Variants in EMG1 observed in about 807,000 individuals in gnomAD.
EMG1 encodes the protein EMG1 N1-specific pseudouridine methyltransferase.
Under a neutral mutation model 26.9 loss-of-function variants are expected in EMG1, and 24 were observed. That is an observed-to-expected ratio of 0.89 (90% CI 0.65 to 1.26). The LOEUF (loss-of-function observed/expected upper bound fraction) is 1.26. EMG1 is among the 50% of genes most tolerant of loss of function. EMG1 has a pLI of 0.00. For synonymous variants in EMG1, 140 were observed against 112.6 expected (o/e 1.24, Z -1.54); for missense variants, 299 against 307.6 (o/e 0.97, Z 0.21).
At chr12:6,981,701 G>T, downstream of EMG1, 1 of 1,289,588 alleles carries the variant, frequency 7.8e-7, no homozygotes, top group Non-Finnish European at 1.1e-6. Context: ...TGTAGACTGA[G>T]TGCAGCCAGA....
At chr12:6,993,233 A>C (rs2138345173), downstream of EMG1, among the ~76,000 whole-genome samples, 1 of 152,116 alleles carries the variant, frequency 6.6e-6, no homozygotes, top group Non-Finnish European at 1.5e-5. Context: ...AGGTCAGGAG[A>C]TCAAGACCAT....
chr12:6,985,171 C>CATGAG (rs1329778429), intron 6 of EMG1, among the ~76,000 whole-genome samples: 1 of 148,370 alleles, frequency 6.7e-6, no homozygotes, highest in Non-Finnish European at 1.5e-5. Context: ...ACGGGCGGAT[C>CATGAG]ATGAGGACAG....
chr12:6,975,149 G>A lies in EMG1; in HGVS notation c.471+1G>A, dbSNP rs1555152925. ...TGATGGCCCCCAGAAGCTTTTGAAGGTGAGGTATTGAAACCTGTTAGTTGA... is the reference window on the plus strand; with the variant it reads ...TGATGGCCCCCAGAAGCTTTTGAAGATGAGGTATTGAAACCTGTTAGTTGA... On this transcript the variant is annotated splice_donor_variant, in intron 4 of 5. Coordinates refer to ENST00000599672, the MANE Select transcript of EMG1 (RefSeq NM_006331.8). LOFTEE classifies it high-confidence loss of function. 1 of 1,613,932 alleles carries A rather than the reference G, an allele frequency of 6.2e-7. No homozygotes were observed. The highest frequency in any genetic ancestry group is 1.3e-5 in the African/African-American group (1 of 74,938).
At chr12:6,973,403 A>C (rs1946356063) in intron 1 of EMG1, among the ~76,000 whole-genome samples, 1 of 151,272 alleles carries the variant, frequency 6.6e-6, no homozygotes, top group Non-Finnish European at 1.5e-5. Flanking sequence ...CCTGACCTTA[A>C]GTGATTTGCC....
At chr12:6,983,676 CAG>C, downstream of EMG1, 3 of 616,076 alleles carry the variant, frequency 4.9e-6, no homozygotes, top group South Asian at 5.8e-5. Flanking sequence ...TGGATGGCAA[CAG>C]AGAAGGCAAT....
downstream of EMG1, among the ~76,000 whole-genome samples, chr12:6,984,720 G>A (rs1325015551): frequency 6.6e-6 from 1 of 152,020 alleles, no homozygotes; most frequent in Non-Finnish European, 1.5e-5. Context: ...TTGAGTAGCT[G>A]GGACCACAGG....
chr12:6,982,813 T>A (rs782570379), downstream of EMG1: 2 of 1,422,748 alleles, frequency 1.4e-6, no homozygotes, highest in East Asian at 4.6e-5. Flanking sequence ...TTTAGCCTGG[T>A]TTTTACACTC....
chr12:6,971,399 G>T (rs1042782752), intron 1 of EMG1, among the ~76,000 whole-genome samples: 1 of 151,762 alleles, frequency 6.6e-6, no homozygotes, highest in Non-Finnish European at 1.5e-5. Flanking sequence ...TCAGCCTCTG[G>T]AGTAGCTGGG....
At chr12:6,981,268 C>T (rs1289907012), downstream of EMG1, 1 of 1,121,158 alleles carries the variant, frequency 8.9e-7, no homozygotes, top group Admixed American at 2.3e-5. Context: ...CTGTGTGCCC[C>T]ACTGACTGGG....
chr12:6,980,133 G>A (rs1946455391), downstream of EMG1, among the ~76,000 whole-genome samples: 1 of 149,408 alleles, frequency 6.7e-6, no homozygotes, highest in African/African-American at 2.5e-5. Context: ...CTGTGGCCTT[G>A]AACTCCTGGG....
intron 6 of EMG1, among the ~76,000 whole-genome samples, chr12:6,986,698 G>A (rs1257960329): frequency 6.7e-6 from 1 of 149,594 alleles, no homozygotes; most frequent in Non-Finnish European, 1.5e-5. Context: ...CAGGGGAATC[G>A]CTTGAACCTG....
downstream of EMG1, among the ~76,000 whole-genome samples, chr12:6,989,313 GTTTT>G (rs113013257): frequency 7.9e-6 from 1 of 126,458 alleles, no homozygotes; most frequent in Non-Finnish European, 1.7e-5. Flanking sequence ...CAAAATGCGT[GTTTT>G]TTTTTTTTTT....
chr12:6,974,418 C>T lies in EMG1; in HGVS notation c.248C>T (p.Ala83Val), dbSNP rs782422549. ...LLKNGRDPGE[A>V]RPDITHQSLL... ...AAGAATGGACGGGACCCTGGGGAAG[C>T]GCGGCCAGATATCACCCACCAGGTA... Residue 83 changes from alanine to valine, a missense_variant, in exon 2 of 6, where the codon GCG becomes GTG. Ala to Val is a moderately conservative substitution (Grantham distance 64). Transcript: ENST00000599672. 8.1e-6 allele frequency: 13 copies of T among 1,613,502 alleles called. No homozygotes were observed. Among genetic ancestry groups the T allele is most frequent in the Admixed American group, 6.7e-5 (4 of 59,960 alleles).
chr12:6,990,232 G>C (rs950443734), downstream of EMG1, among the ~76,000 whole-genome samples: 8 of 150,614 alleles, frequency 5.3e-5, no homozygotes, highest in African/African-American at 2.0e-4. Context: ...AATATAAGCG[G>C]GGCACGGTGG....
Position 6,977,517 on chromosome 12 carries a change from C to T in EMG1, c.*1708C>T. 6.2e-7 allele frequency: 1 copy of T among 1,614,134 alleles called. No homozygotes were observed. The highest frequency in any genetic ancestry group is 1.7e-5 in the Admixed American group (1 of 60,016). ...TCAGGGTGGGGCTCTCTTGAATGAG[C>T]CTGGCAGCCTGGGGAGGGAGGAGGA... On this transcript the variant is annotated 3_prime_UTR_variant, in exon 6 of 6. Transcript: ENST00000599672. The surrounding 1 kb of genome is among the most constrained non-coding windows in gnomAD (Gnocchi z 4.5).
chr12:6,975,170 G>A, intron 4 of EMG1, 22 bp downstream of exon 4: 2 of 1,614,026 alleles, frequency 1.2e-6, no homozygotes, highest in Non-Finnish European at 1.7e-6. Context: ...AAACCTGTTA[G>A]TTGAAGGCTG....
intron 1 of EMG1, among the ~76,000 whole-genome samples, chr12:6,971,491 G>T (rs1322977207): frequency 6.6e-6 from 1 of 152,106 alleles, no homozygotes; most frequent in Admixed American, 6.5e-5. Flanking sequence ...GGCCACGCTG[G>T]TCTCGAACTC....
chr12:6,987,985 A>G lies in EMG1; in HGVS notation c.*211+147A>G, dbSNP rs1946544824. ...TCTTGAACTTTTGGGGTGCTTGGCAATAGTTCCTCTCCCTACTCCTAATTT... is the reference window on the plus strand; with the variant it reads ...TCTTGAACTTTTGGGGTGCTTGGCAGTAGTTCCTCTCCCTACTCCTAATTT... On this transcript the variant is annotated intron_variant and NMD_transcript_variant, in intron 7 of 7. Transcript: ENST00000261406. The surrounding 1 kb of genome is among the most constrained non-coding windows in gnomAD (Gnocchi z 4.1). 1.5e-5 allele frequency: 6 copies of G among 396,528 alleles called. No individual in the cohort carries two copies. In the Admixed American group the frequency reaches 2.7e-4, roughly 18 times the overall value. The allele number at this position is 396,528 out of a possible 1,614,324, so 24.6% of individuals were successfully genotyped here.
At chr12:6,994,166 A>G (rs782669120) in intron 7 of EMG1, among the ~76,000 whole-genome samples, 7 of 152,136 alleles carry the variant, frequency 4.6e-5, no homozygotes, top group East Asian at 1.9e-4. Context: ...TATGTTTTCA[A>G]TTCTCTTGGG....
Sources: allele counts gnomAD v4.1 joint callset (sites outside exome capture counted in the v4.1 genomes callset), GRCh38; gene constraint gnomAD v4.1.1; non-coding constraint Gnocchi (gnomAD v3.1); transcripts MANE v1.5; gene names NCBI Gene and HGNC (gene_info 2026-07-23, HGNC 2026-07-21).